Variants in TMEM263 observed in about 807,000 individuals in gnomAD.
The protein encoded by TMEM263 is UPF0444 transmembrane protein C12orf23.
TMEM263 carries 5 observed loss-of-function variants against 8.6 expected under a neutral mutation model. The observed-to-expected ratio is 0.58, with a 90% CI of 0.31 to 1.23. TMEM263 has a LOEUF of 1.23. Ranked by LOEUF, TMEM263 falls within the 50% of genes most tolerant of loss-of-function variation. The probability of loss-of-function intolerance (pLI) is 0.07; values close to 1 mark genes in which losing one functional copy is unlikely to be tolerated. For missense variants in TMEM263, 104 were observed against 138.8 expected, an observed-to-expected ratio of 0.75 and a Z score of 1.26; for synonymous variants, 50 against 47.9, an observed-to-expected ratio of 1.04 and a Z score of -0.18.
chr12:106,970,899 G>A (rs780643852), intron 3 of TMEM263, among the ~76,000 whole-genome samples: 1 of 152,140 alleles, frequency 6.6e-6, no homozygotes, highest in Non-Finnish European at 1.5e-5. Flanking sequence ...TAGATACTAA[G>A]ACTTAGCATT....
chr12:106,970,371 G>C (rs1314706619), intron 3 of TMEM263, among the ~76,000 whole-genome samples: 1 of 147,536 alleles, frequency 6.8e-6, no homozygotes, highest in Non-Finnish European at 1.5e-5. Context: ...ATATTTTTAT[G>C]AATAGTAATT....
At chr12:106,956,348 T>G (rs1951690501) in intron 1 of TMEM263, among the ~76,000 whole-genome samples, 1 of 151,640 alleles carries the variant, frequency 6.6e-6, no homozygotes, top group South Asian at 2.1e-4. Flanking sequence ...TCTTAGCATC[T>G]GGGGGTTCGG....
chr12:106,962,968 G>A (rs1454326576), intron 2 of TMEM263, among the ~76,000 whole-genome samples: 1 of 152,228 alleles, frequency 6.6e-6, no homozygotes, highest in Admixed American at 6.5e-5. Flanking sequence ...AATTGGGAGA[G>A]ACCCAAAGTA....
intron 2 of TMEM263, among the ~76,000 whole-genome samples, chr12:106,964,527 ATG>A (rs540019284): frequency 1.8e-4 from 27 of 152,334 alleles, no homozygotes; most frequent in African/African-American, 6.0e-4. Context: ...TTTCCCAGTA[ATG>A]CATCAGCTGA....
At chr12:106,961,194 A>G (rs570888738) in intron 2 of TMEM263, among the ~76,000 whole-genome samples, 24 of 139,670 alleles carry the variant, frequency 1.7e-4, no homozygotes, top group Admixed American at 5.8e-4. Context: ...AATATGTGGG[A>G]CTACAGGCGT....
At chr12:106,967,905 C>G (rs766644553) in intron 3 of TMEM263, among the ~76,000 whole-genome samples, 1 of 152,158 alleles carries the variant, frequency 6.6e-6, no homozygotes, top group Non-Finnish European at 1.5e-5. Context: ...TGGTACCTCT[C>G]CTCTATTAAC....
At chr12:106,963,315 G>A (rs111992999) in intron 2 of TMEM263, among the ~76,000 whole-genome samples, 70 of 152,160 alleles carry the variant, frequency 4.6e-4, no homozygotes, top group African/African-American at 1.2e-3. Flanking sequence ...GTGGAAGCTC[G>A]GAGACCCATT....
At chr12:106,956,916 C>T (rs1593460109) in intron 1 of TMEM263, 166 bp from the exon 2 acceptor site, 1 of 190,192 alleles carries the variant, frequency 5.3e-6, no homozygotes, top group East Asian at 1.9e-4. Context: ...TTTGCTAGTG[C>T]CTAAAGGGAT....
At chr12:106,960,689 C>T (rs1028690763) in intron 2 of TMEM263, among the ~76,000 whole-genome samples, 4 of 151,734 alleles carry the variant, frequency 2.6e-5, no homozygotes, top group Admixed American at 6.6e-5. Context: ...CAGCCCCAGG[C>T]GAGAGTGAAA....
In TMEM263 at chr12:106,971,773, C is replaced by A. The variant is rs548998320; in HGVS notation, c.*382C>A. ...CTCACCTGCCCCTTAAGAAGGGAAC[C>A]TTGAATTACATAAGCCGTACCTTTG... On this transcript the variant is annotated 3_prime_UTR_variant, in exon 4 of 4. Coordinates refer to ENST00000280756, the MANE Select transcript of TMEM263 (RefSeq NM_152261.4). The A allele has an allele frequency of 6.2e-6, 1 of 161,936 alleles. No individual in the cohort carries two copies. The highest frequency in any genetic ancestry group is 2.0e-4 in the South Asian group (1 of 5,038). 10.0% of individuals were successfully genotyped at this position (161,936 alleles called of 1,614,324 possible).
intron 2 of TMEM263, among the ~76,000 whole-genome samples, chr12:106,966,682 T>G (rs1012778799): frequency 2.6e-5 from 4 of 151,292 alleles, no homozygotes; most frequent in African/African-American, 9.8e-5. Context: ...AGGGAACACC[T>G]TTTTTAGTTC....
rs1951708583 is a variant in TMEM263, at chr12:106,957,181, TG to T, written c.-7+33del. Reference sequence around the variant, plus strand: ...GCGCGCGCCCGTGTGTGTGTGTGTGTGTGTGTGTGTGTGTGTGTGTGTGTGT... The same window carrying T: ...GCGCGCGCCCGTGTGTGTGTGTGTGTTGTGTGTGTGTGTGTGTGTGTGTGT... On this transcript the variant is annotated intron_variant, in intron 2 of 3. Transcript: ENST00000280756. The T allele has an allele frequency of 7.1e-5, 45 of 630,498 alleles. 1 individual carries two copies. The highest frequency in any genetic ancestry group is 8.3e-5 in the Non-Finnish European group (44 of 530,748). The allele number at this position is 630,498 out of a possible 1,614,324, so 39.1% of individuals were successfully genotyped here. A position where few individuals can be genotyped will look rare whatever the true frequency, so the allele number is the denominator to read the frequency against.
intron 2 of TMEM263, 125 bp from the exon 3 acceptor site, chr12:106,966,986 T>A (rs948687978): frequency 1.7e-5 from 11 of 644,738 alleles, no homozygotes; most frequent in Admixed American, 1.3e-4. Flanking sequence ...GAAGACTAGT[T>A]GTATAGTGGG....
chr12:106,956,092 G>T, intron 1 of TMEM263, 27 bp downstream of exon 1: 1 of 971,158 alleles, frequency 1.0e-6, no homozygotes, highest in Non-Finnish European at 1.2e-6. Context: ...GCGAGGGCAG[G>T]GGCGCAGTCC....
Position 106,971,384 on chromosome 12 carries a change from C to T in TMEM263, c.344C>T (p.Ser115Phe), listed in dbSNP as rs776420532. Residue 115 changes from serine to phenylalanine, a missense_variant, in exon 4 of 4, where the codon TCT becomes TTT. Physicochemically the swap from Ser to Phe is radical, Grantham distance 155 (BLOSUM62 -2). Coordinates refer to ENST00000280756, the MANE Select transcript of TMEM263 (RefSeq NM_152261.4). The part of the protein sequence containing the change: ...VPLTGKKKDK[S>F]D ...TTAACAGGAAAGAAGAAAGACAAAT[C>T]TGACTGAAATATAGAGATACACTTG... 5.6e-6 allele frequency: 9 copies of T among 1,604,538 alleles called. No homozygotes were observed. In the South Asian group the frequency reaches 1.0e-4, roughly 18 times the overall value.
chr12:106,959,958 A>G (rs1951747946), intron 2 of TMEM263, among the ~76,000 whole-genome samples: 3 of 152,168 alleles, frequency 2.0e-5, no homozygotes, highest in African/African-American at 7.2e-5. Context: ...TTATTACTCT[A>G]AGAGTTCTAG....
chr12:106,968,187 G>A (rs1056044169), intron 3 of TMEM263, among the ~76,000 whole-genome samples: 2 of 152,084 alleles, frequency 1.3e-5, no homozygotes, highest in Non-Finnish European at 2.9e-5. Context: ...TCCTAGTTCT[G>A]TTACCCATTG....
chr12:106,963,971 A>G (rs1196239202), intron 2 of TMEM263, among the ~76,000 whole-genome samples: 2 of 152,104 alleles, frequency 1.3e-5, no homozygotes, highest in African/African-American at 4.8e-5. Context: ...GGGTATATGT[A>G]ATTTCCCATA....
Position 106,971,546 on chromosome 12 carries a change from G to T in TMEM263, c.*155G>T. 1 of 744,258 alleles carries T rather than the reference G, an allele frequency of 1.3e-6. No individual in the cohort carries two copies. The highest frequency in any genetic ancestry group is 2.1e-6 in the Non-Finnish European group (1 of 476,472). The allele number at this position is 744,258 out of a possible 1,614,324, so 46.1% of individuals were successfully genotyped here. A position where few individuals can be genotyped will look rare whatever the true frequency, so the allele number is the denominator to read the frequency against. ...GACTGGCTTTCATCTAAAAAGAAGAGACCAATACGAGCACAGTATATGAAG... is the reference window on the plus strand; with the variant it reads ...GACTGGCTTTCATCTAAAAAGAAGATACCAATACGAGCACAGTATATGAAG... On this transcript the variant is annotated 3_prime_UTR_variant, in exon 4 of 4. Coordinates refer to ENST00000280756, the MANE Select transcript of TMEM263 (RefSeq NM_152261.4).
Sources: allele counts gnomAD v4.1 joint callset (sites outside exome capture counted in the v4.1 genomes callset), GRCh38; gene constraint gnomAD v4.1.1; transcripts MANE v1.5; gene names NCBI Gene and HGNC (gene_info 2026-07-23, HGNC 2026-07-21).